The following SWAP70 variants were observed in gnomAD, a reference collection of about 807,000 sequenced individuals.
The protein encoded by SWAP70 is switching B cell complex subunit SWAP70.
Under a neutral mutation model 80.2 loss-of-function variants are expected in SWAP70, and 34 were observed. The ratio of observed to expected loss-of-function variants is 0.42; its 90% CI spans 0.32 to 0.56. The LOEUF (loss-of-function observed/expected upper bound fraction) is 0.56. Ranked by LOEUF, SWAP70 falls within the 20% of genes least tolerant of loss-of-function variation. SWAP70 has a pLI of 0.09. For synonymous variants in SWAP70, 239 were observed against 238.5 expected (o/e 1.00, Z -0.02); for missense variants, 578 against 690.7 (o/e 0.84, Z 1.83).
intron 1 of SWAP70, among the ~76,000 whole-genome samples, chr11:9,692,804 C>T (rs1466946688): frequency 6.6e-6 from 1 of 152,072 alleles, no homozygotes. Context: ...AAAGCTCCAC[C>T]GTACTCTTTT....
intron 2 of SWAP70, among the ~76,000 whole-genome samples, chr11:9,701,521 G>A (rs1590024707): frequency 6.6e-6 from 1 of 151,474 alleles, no homozygotes; most frequent in East Asian, 2.0e-4. Flanking sequence ...GTTAGGTTAT[G>A]CCTGTAATCT....
chr11:9,729,251 A>AT, intron 5 of SWAP70, 92 bp from the exon 6 acceptor site: 1 of 795,326 alleles, frequency 1.3e-6, no homozygotes, highest in Non-Finnish European at 2.1e-6. Flanking sequence ...TTTCATTGAC[A>AT]TTAAGTTTCA....
rs11042479 is a variant in SWAP70 at position 9,706,816 on chromosome 11, G to A, written c.241-6650G>A. Among the ~76,000 whole-genome samples, 955 of 152,110 alleles carry A rather than the reference G, an allele frequency of 6.3e-3. 4 individuals are homozygous for A. Among genetic ancestry groups the A allele is most frequent in the Non-Finnish European group, 8.6e-3 (586 of 67,988 alleles). Reference sequence around the variant, plus strand: ...TGATTAGTTCAGATTAGCACATAAAGAACTCTTTTTTTTTCTTGTTACAGC... The same window carrying A: ...TGATTAGTTCAGATTAGCACATAAAAAACTCTTTTTTTTTCTTGTTACAGC... On this transcript the variant is annotated intron_variant, in intron 2 of 11. Coordinates refer to ENST00000318950, the MANE Select transcript of SWAP70 (RefSeq NM_015055.4).
intron 4 of SWAP70, among the ~76,000 whole-genome samples, chr11:9,725,557 ATATATATATATATTTTTTTT>A (rs1406207191): frequency 2.4e-3 from 25 of 10,296 alleles, no homozygotes; most frequent in African/African-American, 7.1e-3. Flanking sequence ...ATATATATAT[ATATATATATATATTTTTTTT>A]TTTTTTTTTT....
At chr11:9,734,162 G>T (rs1851335016) in intron 7 of SWAP70, among the ~76,000 whole-genome samples, 1 of 152,074 alleles carries the variant, frequency 6.6e-6, no homozygotes, top group South Asian at 2.1e-4. Context: ...AAAAAGTTTT[G>T]GATTTTGGAG....
At position 9,685,042 on chromosome 11, in the gene SWAP70, A is replaced by G. The variant is rs141209219; in HGVS notation, c.100-9104A>G. 5.6e-3 allele frequency among the ~76,000 whole-genome samples: 845 copies of G among 152,200 alleles called. 3 individuals are homozygous for G. Among genetic ancestry groups the G allele is most frequent in the Middle Eastern group, 0.037 (11 of 294 alleles). On this transcript the variant is annotated intron_variant, in intron 1 of 11. Transcript: ENST00000318950. Reference sequence around the variant, plus strand: ...TACCTTCTTAAAAGACATTTGTGCAATATTTCACTGGGGGGCTGGACTCTC... The same window carrying G: ...TACCTTCTTAAAAGACATTTGTGCAGTATTTCACTGGGGGGCTGGACTCTC...
At chr11:9,694,524 CT>C (rs2134448068) in intron 2 of SWAP70, among the ~76,000 whole-genome samples, 1 of 152,268 alleles carries the variant, frequency 6.6e-6, no homozygotes, top group Admixed American at 6.5e-5. Context: ...AAATTAAGAA[CT>C]GTGTTTTGTG....
intron 10 of SWAP70, 43 bp from the exon 11 acceptor site, chr11:9,749,044 C>A: frequency 7.5e-7 from 1 of 1,330,072 alleles, no homozygotes; most frequent in Non-Finnish European, 1.1e-6. Flanking sequence ...GGTTCTTAAA[C>A]TACCCGTGTG....
Position 9,752,405 on chromosome 11 carries a change from G to A in SWAP70, c.*2435G>A, listed in dbSNP as rs1203567599. 6.6e-6 allele frequency: 1 copy of A among 152,238 alleles called. No individual in the cohort carries two copies. The highest frequency in any genetic ancestry group is 1.5e-5 in the Non-Finnish European group (1 of 68,042). 9.4% of individuals were successfully genotyped at this position (152,238 alleles called of 1,614,324 possible). On this transcript the variant is annotated 3_prime_UTR_variant, in exon 12 of 12. Coordinates refer to ENST00000318950, the MANE Select transcript of SWAP70 (RefSeq NM_015055.4). ...ATACGACTAAGCGGTTACATATGTG[G>A]TTGTGCAAAAGCTTTCTGTTTAATG... is the stretch of plus-strand genomic sequence containing the variant.
chr11:9,670,631 A>G (rs949425105), intron 1 of SWAP70, among the ~76,000 whole-genome samples: 1 of 152,152 alleles, frequency 6.6e-6, no homozygotes, highest in Non-Finnish European at 1.5e-5. Context: ...CAAGAAAAGC[A>G]GAGGACCAGA....
At chr11:9,703,014 T>G (rs1225467847) in intron 2 of SWAP70, among the ~76,000 whole-genome samples, 1 of 152,190 alleles carries the variant, frequency 6.6e-6, no homozygotes, top group East Asian at 1.9e-4. Context: ...CTACAACCAT[T>G]ACCACAATTG....
chr11:9,733,033 G>C (rs1199100824), intron 7 of SWAP70, among the ~76,000 whole-genome samples: 3 of 152,108 alleles, frequency 2.0e-5, no homozygotes, highest in African/African-American at 7.2e-5. Context: ...GTTCTTACTG[G>C]CCTGGACAAG....
At chr11:9,743,146 G>A (rs1240543805) in intron 9 of SWAP70, among the ~76,000 whole-genome samples, 2 of 146,946 alleles carry the variant, frequency 1.4e-5, no homozygotes, top group Non-Finnish European at 3.0e-5. Flanking sequence ...GAGAATATGC[G>A]GTGTTTGGTT....
chr11:9,671,669 T>TATAA (rs1850400791), intron 1 of SWAP70, among the ~76,000 whole-genome samples: 1 of 109,516 alleles, frequency 9.1e-6, no homozygotes, highest in Non-Finnish European at 1.7e-5. Flanking sequence ...TATATAAATA[T>TATAA]ATATAAATAG....
intron 3 of SWAP70, among the ~76,000 whole-genome samples, chr11:9,715,151 A>T (rs1026495214): frequency 3.0e-4 from 46 of 151,130 alleles, no homozygotes; most frequent in Non-Finnish European, 4.0e-4. Context: ...ATTAAAAAAA[A>T]TTTTTTTTGC....
At position 9,750,202 on chromosome 11, in the gene SWAP70, G is replaced by T. The variant is rs6483657; in HGVS notation, c.*232G>T. On this transcript the variant is annotated 3_prime_UTR_variant, in exon 12 of 12. Coordinates refer to ENST00000318950, the MANE Select transcript of SWAP70 (RefSeq NM_015055.4). ...AAAATACAAAAAAAATTAGCTGAGCGTGGTGGCGGGCGCCTGTAATCCCAG... is the reference window on the plus strand; with the variant it reads ...AAAATACAAAAAAAATTAGCTGAGCTTGGTGGCGGGCGCCTGTAATCCCAG... The T allele has an allele frequency of 0.077, 21,297 of 277,556 alleles. 2,540 individuals carry two copies. Among genetic ancestry groups the T allele is most frequent in the East Asian group, 0.29 (4,256 of 14,514 alleles). The allele number at this position is 277,556 out of a possible 1,614,324, so 17.2% of individuals were successfully genotyped here.
At chr11:9,671,757 T>TTTCTATGTATACATAG (rs1565109867) in intron 1 of SWAP70, among the ~76,000 whole-genome samples, 4 of 44,876 alleles carry the variant, frequency 8.9e-5, no homozygotes, top group Admixed American at 3.9e-4. Context: ...TATAAATATA[T>TTTCTATGTATACATAG]AAATATATAA....
chr11:9,744,286 G>A (rs1851482599), intron 9 of SWAP70, among the ~76,000 whole-genome samples: 1 of 152,102 alleles, frequency 6.6e-6, no homozygotes, highest in Non-Finnish European at 1.5e-5. Flanking sequence ...TAAAAATTAC[G>A]ATTGAAGTTT....
At chr11:9,690,080 C>T (rs1048415719) in intron 1 of SWAP70, among the ~76,000 whole-genome samples, 6 of 152,154 alleles carry the variant, frequency 3.9e-5, no homozygotes, top group African/African-American at 1.4e-4. Context: ...GACACATCTC[C>T]TAATCTCTGA....
Sources: gnomAD v4.1 joint callset for allele counts (sites outside exome capture counted in the v4.1 genomes callset) on GRCh38, gnomAD v4.1.1 for gene constraint, MANE v1.5 for transcripts, NCBI Gene and HGNC (gene_info 2026-07-23, HGNC 2026-07-21) for gene names.